Variants in HS6ST3 observed in about 807,000 individuals in gnomAD.
HS6ST3 encodes the protein heparan-sulfate 6-O-sulfotransferase 3.
In HS6ST3, 12 loss-of-function variants were observed where a neutral mutation model predicts 36.7. The observed-to-expected ratio is 0.33, with a 90% CI of 0.21 to 0.53. The LOEUF (loss-of-function observed/expected upper bound fraction) is 0.53, where lower values mean the gene tolerates loss of function less well. HS6ST3 is among the 20% of genes least tolerant of loss of function. The probability of loss-of-function intolerance (pLI) is 0.95; values close to 1 mark genes in which losing one functional copy is unlikely to be tolerated. For synonymous variants in HS6ST3, 240 were observed against 257.5 expected, an observed-to-expected ratio of 0.93 and a Z score of 0.65; for missense variants, 584 against 640.9, an observed-to-expected ratio of 0.91 and a Z score of 0.96.
At chr13:96,790,773 G>A (rs193168990) in intron 1 of HS6ST3, among the ~76,000 whole-genome samples, 7 of 152,008 alleles carry the variant, frequency 4.6e-5, no homozygotes, top group Admixed American at 2.0e-4. Context: ...AATATGTCTC[G>A]ATAGCAGTCA....
At chr13:96,654,134 A>C (rs2056616645) in intron 1 of HS6ST3, among the ~76,000 whole-genome samples, 1 of 152,198 alleles carries the variant, frequency 6.6e-6, no homozygotes, top group Non-Finnish European at 1.5e-5. Context: ...ATAGATTACA[A>C]AAATTTTCCC....
At chr13:96,416,845 C>T (rs983736382) in intron 1 of HS6ST3, among the ~76,000 whole-genome samples, 2 of 151,308 alleles carry the variant, frequency 1.3e-5, no homozygotes, top group African/African-American at 2.4e-5. Context: ...CTCTGCCTCT[C>T]GGGTTCACGC....
intron 1 of HS6ST3, among the ~76,000 whole-genome samples, chr13:96,535,182 A>G (rs939413409): frequency 6.6e-5 from 10 of 152,086 alleles, no homozygotes; most frequent in Admixed American, 3.9e-4. Context: ...GACATGAAGG[A>G]GACAGGCCTA....
intron 1 of HS6ST3, among the ~76,000 whole-genome samples, chr13:96,254,448 AAT>A (rs869064004): frequency 5.0e-3 from 83 of 16,526 alleles, no homozygotes; most frequent in African/African-American, 5.9e-3. Context: ...AAAAAAAAAA[AAT>A]ATATATATAT....
intron 1 of HS6ST3, among the ~76,000 whole-genome samples, chr13:96,492,444 A>G (rs780951729): frequency 3.3e-5 from 5 of 152,162 alleles, no homozygotes; most frequent in Non-Finnish European, 7.3e-5. Context: ...CCTCACCCTG[A>G]CCTGGTCCTA....
chr13:96,801,266 A>G (rs927097682), intron 1 of HS6ST3, among the ~76,000 whole-genome samples: 1 of 152,132 alleles, frequency 6.6e-6, no homozygotes, highest in Non-Finnish European at 1.5e-5. Context: ...AGTTCCTTTC[A>G]GATTCAAGGT....
chr13:96,229,431 G>A (rs2054497111), intron 1 of HS6ST3, among the ~76,000 whole-genome samples: 2 of 152,150 alleles, frequency 1.3e-5, no homozygotes, highest in South Asian at 4.1e-4. Flanking sequence ...CTAGCTTAAG[G>A]TGCTGGTGGA....
At chr13:96,479,635 G>A (rs530313095) in intron 1 of HS6ST3, among the ~76,000 whole-genome samples, 3 of 152,120 alleles carry the variant, frequency 2.0e-5, no homozygotes, top group African/African-American at 7.2e-5. Context: ...ATATTGATGA[G>A]GTGGAATTAA....
intron 1 of HS6ST3, among the ~76,000 whole-genome samples, chr13:96,402,115 A>T (rs573449461): frequency 1.3e-4 from 20 of 152,314 alleles, no homozygotes; most frequent in African/African-American, 4.6e-4. Context: ...CCGAGGTTAC[A>T]GGCATGCACT....
At chr13:96,368,738 A>G (rs947838048) in intron 1 of HS6ST3, among the ~76,000 whole-genome samples, 1 of 152,132 alleles carries the variant, frequency 6.6e-6, no homozygotes, top group Non-Finnish European at 1.5e-5. Flanking sequence ...GACTTTAGGC[A>G]AAATATTCTG....
At chr13:96,661,768 A>G (rs1342924632) in intron 1 of HS6ST3, among the ~76,000 whole-genome samples, 1 of 152,092 alleles carries the variant, frequency 6.6e-6, no homozygotes, top group African/African-American at 2.4e-5. Context: ...TGCCTATGGC[A>G]TTCCTTGTGG....
chr13:96,780,087 G>A (rs2138513388), intron 1 of HS6ST3, among the ~76,000 whole-genome samples: 1 of 152,286 alleles, frequency 6.6e-6, no homozygotes, highest in East Asian at 1.9e-4. Context: ...CAGTTCCTAA[G>A]GCAAGGCTCA....
chr13:96,795,710 C>G (rs946257860), intron 1 of HS6ST3, among the ~76,000 whole-genome samples: 2 of 152,090 alleles, frequency 1.3e-5, no homozygotes, highest in Admixed American at 1.3e-4. Flanking sequence ...CCAGAGGGCC[C>G]AAAGAGAATC....
intron 1 of HS6ST3, among the ~76,000 whole-genome samples, chr13:96,459,100 TAAAAAAAAAAAA>T (rs747439262): frequency 4.7e-5 from 3 of 63,884 alleles, no homozygotes; most frequent in African/African-American, 9.0e-5. Flanking sequence ...CAAGACTGTC[TAAAAAAAAAAAA>T]AAAAAAAAAA....
chr13:96,753,184 A>C (rs1876741311), intron 1 of HS6ST3, among the ~76,000 whole-genome samples: 2 of 152,194 alleles, frequency 1.3e-5, no homozygotes, highest in Non-Finnish European at 2.9e-5. Context: ...GTTCTCACAA[A>C]CTATTAATCT....
In HS6ST3 at chr13:96,153,825, T is replaced by C. The variant is rs560124095; in HGVS notation, c.707+62256T>C. Among the ~76,000 whole-genome samples the C allele has an allele frequency of 5.6e-4, 85 of 152,376 alleles. No individual in the cohort carries two copies. The South Asian group carries it at 5.8e-3, about 10-fold the overall frequency. ...GAATTTCCAACCAGAATATTTATGC[T>C]AAATGCACTTGCTAAAATGTCCTTT... On this transcript the variant is annotated intron_variant, in intron 1 of 1. Transcript: ENST00000376705.
chr13:96,191,792 A>G (rs2054289682), intron 1 of HS6ST3, among the ~76,000 whole-genome samples: 1 of 152,228 alleles, frequency 6.6e-6, no homozygotes, highest in Non-Finnish European at 1.5e-5. Flanking sequence ...ATGTGAAGAA[A>G]GAGGATCTTT....
intron 1 of HS6ST3, among the ~76,000 whole-genome samples, chr13:96,158,747 G>C (rs1467856322): frequency 6.6e-6 from 1 of 151,626 alleles, no homozygotes; most frequent in African/African-American, 2.4e-5. Flanking sequence ...GTATTAGTGA[G>C]CCCCAGGGAC....
intron 1 of HS6ST3, among the ~76,000 whole-genome samples, chr13:96,163,935 A>G (rs2054149128): frequency 6.6e-6 from 1 of 152,140 alleles, no homozygotes; most frequent in Non-Finnish European, 1.5e-5. Flanking sequence ...AACTGGAGAA[A>G]CATTTTATAG....
Sources: gnomAD v4.1 joint callset for allele counts (sites outside exome capture counted in the v4.1 genomes callset) on GRCh38, gnomAD v4.1.1 for gene constraint, MANE v1.5 for transcripts, NCBI Gene and HGNC (gene_info 2026-07-23, HGNC 2026-07-21) for gene names.